The following GRIP1 variants were observed in gnomAD, a reference collection of about 807,000 sequenced individuals.
GRIP1 encodes the protein glutamate receptor-interacting protein 1.
A neutral mutation model predicts 129.9 loss-of-function variants in GRIP1; 45 were observed. The ratio of observed to expected loss-of-function variants is 0.35; its 90% confidence interval spans 0.27 to 0.44. GRIP1 has a LOEUF of 0.44. Among genes scored for constraint, GRIP1 ranks in the 20% least tolerant of loss-of-function variants. GRIP1 has a pLI of 1.00. For missense variants in GRIP1, 1,196 were observed against 1,396.8 expected (o/e 0.86, Z 2.29); for synonymous variants, 530 against 520.8 (o/e 1.02, Z -0.24).
rs942215953 is a variant in GRIP1, at chr12:66,527,684, A to G, written c.502+2147T>C. Among the ~76,000 whole-genome samples, 5 of 152,118 alleles carry G rather than the reference A, an allele frequency of 3.3e-5. No individual in the cohort carries two copies. The South Asian group carries it at 6.2e-4, about 19-fold the overall frequency. ...AAACTTAAAGTATAATAATAACAAA[A>G]TTAAAAAAAAATTTCTGACTGTGGA... On this transcript the variant is annotated intron_variant, in intron 5 of 24. Coordinates refer to ENST00000359742, the MANE Select transcript of GRIP1 (RefSeq NM_001366722.1).
chr12:67,049,994 G>A (rs976348945), intron 1 of GRIP1, among the ~76,000 whole-genome samples: 38 of 117,722 alleles, frequency 3.2e-4, no homozygotes, highest in African/African-American at 1.2e-3. Flanking sequence ...TTGGTGACTT[G>A]TCCTATGTCA....
At chr12:66,541,696 G>T in intron 3 of GRIP1, 119 bp downstream of exon 3, 1 of 1,057,194 alleles carries the variant, frequency 9.5e-7, no homozygotes, top group African/African-American at 1.5e-5. Context: ...GCTGGCCTGT[G>T]CTGCCTGGCA....
At chr12:67,058,369 A>G (rs1208610493) in intron 1 of GRIP1, among the ~76,000 whole-genome samples, 1 of 152,240 alleles carries the variant, frequency 6.6e-6, no homozygotes, top group East Asian at 1.9e-4. Context: ...TGAAAGTGAA[A>G]AAGAAACACT....
chr12:66,415,757 A>G (rs1316009757), intron 15 of GRIP1, among the ~76,000 whole-genome samples: 4 of 152,214 alleles, frequency 2.6e-5, no homozygotes, highest in African/African-American at 7.2e-5. Context: ...GAATGAGATC[A>G]TGTCCTTTGC....
intron 1 of GRIP1, among the ~76,000 whole-genome samples, chr12:66,717,067 CT>C (rs1188997314): frequency 6.6e-6 from 1 of 152,036 alleles, no homozygotes; most frequent in African/African-American, 2.4e-5. Context: ...CAGGAGTGAT[CT>C]TTAGAAACAA....
intron 1 of GRIP1, among the ~76,000 whole-genome samples, chr12:66,902,018 A>G (rs74098136): frequency 1.1e-4 from 16 of 152,350 alleles, no homozygotes; most frequent in East Asian, 3.9e-4. Context: ...GCAGTCAGAA[A>G]TACTTGGTGG....
intron 19 of GRIP1, among the ~76,000 whole-genome samples, chr12:66,384,354 C>A (rs751074135): frequency 6.6e-6 from 1 of 152,042 alleles, no homozygotes; most frequent in South Asian, 2.1e-4. Context: ...GATTTGAAAC[C>A]GATTAAGAGG....
chr12:66,842,281 C>T (rs1243342502), intron 1 of GRIP1, among the ~76,000 whole-genome samples: 1 of 151,822 alleles, frequency 6.6e-6, no homozygotes, highest in Admixed American at 6.6e-5. Flanking sequence ...ATTTTATATC[C>T]TATATAAAAT....
In GRIP1 at chr12:66,379,399, G is replaced by A; in HGVS notation, c.2502C>T (p.Thr834=). ...SFQASGYNFN[T]YDWRSPKQRG... ...TCTGTTTTGGACTCCTCCAGTCATA[G>A]GTGTTGAAATTGTATCCTGAGGCCT... is the stretch of plus-strand genomic sequence containing the variant. The change falls in exon 20 of 25, where the codon ACC becomes ACT. Residue 834 remains threonine (T), a synonymous_variant. Transcript: ENST00000359742. 2 of 1,614,112 alleles carry A rather than the reference G, an allele frequency of 1.2e-6. No individual in the cohort carries two copies. Among genetic ancestry groups the A allele is most frequent in the Non-Finnish European group, 1.7e-6 (2 of 1,179,954 alleles).
chr12:66,519,270 T>C (rs2060933894), intron 5 of GRIP1, among the ~76,000 whole-genome samples: 1 of 152,238 alleles, frequency 6.6e-6, no homozygotes, highest in South Asian at 2.1e-4. Context: ...TATTCTTGCA[T>C]TGTGTTTAGC....
At position 66,916,667 on chromosome 12, in the gene GRIP1, G is replaced by T. The variant is rs541667207; in HGVS notation, c.58+152383C>A. On this transcript the variant is annotated intron_variant, in intron 1 of 1. Coordinates refer to the GRIP1 transcript ENST00000643019. Reference sequence around the variant, plus strand: ...GGTTTCTTAGGGGGGTTAAAAAAACGATTATTCAAATATTTTTTCTTCTCC... The same window carrying T: ...GGTTTCTTAGGGGGGTTAAAAAAACTATTATTCAAATATTTTTTCTTCTCC... 8.6e-5 allele frequency among the ~76,000 whole-genome samples: 13 copies of T among 151,678 alleles called. No homozygotes were observed. The East Asian group carries it at 1.7e-3, about 20-fold the overall frequency.
At chr12:67,025,266 G>C (rs1237604460) in intron 1 of GRIP1, among the ~76,000 whole-genome samples, 1 of 152,076 alleles carries the variant, frequency 6.6e-6, no homozygotes, top group Non-Finnish European at 1.5e-5. Flanking sequence ...GCTTGAACCT[G>C]GGAGGTGGAG....
intron 5 of GRIP1, among the ~76,000 whole-genome samples, chr12:66,522,828 C>T (rs368071603): frequency 6.6e-6 from 1 of 152,010 alleles, no homozygotes. Flanking sequence ...GCAGAGAAGT[C>T]CTTAAAGGAG....
At chr12:66,815,509 C>T (rs2039189834) in intron 1 of GRIP1, among the ~76,000 whole-genome samples, 2 of 152,038 alleles carry the variant, frequency 1.3e-5, no homozygotes, top group Non-Finnish European at 2.9e-5. Flanking sequence ...GCCTACAATC[C>T]CAGCACTTTG....
At chr12:66,648,021 C>T (rs1400580099) in intron 1 of GRIP1, among the ~76,000 whole-genome samples, 2 of 152,158 alleles carry the variant, frequency 1.3e-5, no homozygotes, top group Non-Finnish European at 2.9e-5. Context: ...AGGGGTAAGA[C>T]ATTGAAATAC....
chr12:66,712,021 A>G (rs1398332255), intron 1 of GRIP1, among the ~76,000 whole-genome samples: 1 of 151,974 alleles, frequency 6.6e-6, no homozygotes, highest in African/African-American at 2.4e-5. Context: ...ACTATAGTTT[A>G]CTTTTTATGT....
At chr12:66,976,747 T>C (rs1387875033) in intron 1 of GRIP1, among the ~76,000 whole-genome samples, 35 of 152,208 alleles carry the variant, frequency 2.3e-4, no homozygotes, top group Admixed American at 2.2e-3. Flanking sequence ...GTATGATGTG[T>C]CTGGCCAAAA....
intron 7 of GRIP1, among the ~76,000 whole-genome samples, chr12:66,494,916 G>C (rs2060195440): frequency 6.6e-6 from 1 of 151,936 alleles, no homozygotes; most frequent in South Asian, 2.1e-4. Context: ...AAAGAGAGAA[G>C]CTCTTTTAAG....
intron 1 of GRIP1, among the ~76,000 whole-genome samples, chr12:66,876,525 A>AT (rs533715533): frequency 2.2e-4 from 33 of 152,068 alleles, no homozygotes; most frequent in African/African-American, 7.5e-4. Context: ...ATCTGTCTAG[A>AT]TTTTTTTGAC....
Sources: gnomAD v4.1 joint callset for allele counts (sites outside exome capture counted in the v4.1 genomes callset) on GRCh38, gnomAD v4.1.1 for gene constraint, MANE v1.5 for transcripts, NCBI Gene and HGNC (gene_info 2026-07-23, HGNC 2026-07-21) for gene names.